The following UVRAG variants were observed in gnomAD, a reference collection of about 807,000 sequenced individuals.
The protein encoded by UVRAG is UV radiation resistance-associated gene protein.
UVRAG carries 19 observed loss-of-function variants against 78.0 expected under a neutral mutation model. The observed-to-expected ratio is 0.24, with a 90% CI of 0.17 to 0.36. UVRAG has a LOEUF of 0.36. UVRAG is among the 10% of genes least tolerant of loss of function. The pLI is 1.00. For missense variants in UVRAG, 740 were observed against 853.8 expected (o/e 0.87, Z 1.66); for synonymous variants, 323 against 324.6 (o/e 1.00, Z 0.05).
intron 1 of UVRAG, among the ~76,000 whole-genome samples, chr11:75,851,056 T>TC (rs1946144249): frequency 6.6e-6 from 1 of 152,214 alleles, no homozygotes; most frequent in African/African-American, 2.4e-5. Flanking sequence ...GTTTCTATTT[T>TC]TAAGTCTCTG....
chr11:76,032,089 G>A lies in UVRAG; in HGVS notation c.1226+15109G>A, dbSNP rs1331921430. Among the ~76,000 whole-genome samples the A allele has an allele frequency of 2.6e-5, 4 of 152,026 alleles. No homozygotes were observed. In the South Asian group the frequency reaches 8.3e-4, roughly 32 times the overall value. On this transcript the variant is annotated intron_variant, in intron 12 of 14. Transcript: ENST00000356136. ...GAGAGTTTGCAGTAGGTAATTTGGGGGAATATTTTGGTTTCCTGACAAAAA... is the reference window on the plus strand; with the variant it reads ...GAGAGTTTGCAGTAGGTAATTTGGGAGAATATTTTGGTTTCCTGACAAAAA...
intron 6 of UVRAG, among the ~76,000 whole-genome samples, chr11:75,937,400 G>A (rs1948394081): frequency 6.6e-6 from 1 of 152,138 alleles, no homozygotes; most frequent in Admixed American, 6.5e-5. Flanking sequence ...TTTTCCTTAT[G>A]TCTGAAGTAT....
chr11:75,827,913 G>A (rs1412443517), intron 1 of UVRAG, among the ~76,000 whole-genome samples: 1 of 148,612 alleles, frequency 6.7e-6, no homozygotes, highest in Non-Finnish European at 1.5e-5. Flanking sequence ...TTTTAACGTT[G>A]TCTCCTTTTA....
chr11:76,028,921 A>G (rs761027511), intron 12 of UVRAG, among the ~76,000 whole-genome samples: 3 of 152,182 alleles, frequency 2.0e-5, no homozygotes, highest in South Asian at 2.1e-4. Flanking sequence ...AGACAAAAAT[A>G]GCCTTCTGTT....
intron 6 of UVRAG, among the ~76,000 whole-genome samples, chr11:75,952,669 AT>A (rs1370684974): frequency 1.3e-5 from 2 of 152,002 alleles, no homozygotes; most frequent in African/African-American, 4.8e-5. Flanking sequence ...CTTTTCATAT[AT>A]TACTAGAGTT....
chr11:75,987,274 C>T (rs1949518086), intron 8 of UVRAG, among the ~76,000 whole-genome samples: 1 of 152,178 alleles, frequency 6.6e-6, no homozygotes, highest in Admixed American at 6.5e-5. Context: ...TATTATCTCT[C>T]CTTTTAATTA....
chr11:75,963,872 G>A (rs959438228), intron 7 of UVRAG, among the ~76,000 whole-genome samples: 7 of 152,022 alleles, frequency 4.6e-5, no homozygotes, highest in African/African-American at 1.7e-4. Context: ...TGTTGTCTGG[G>A]CTGCTCTTGA....
rs552133176 is a variant in UVRAG, at chr11:75,937,974, A to G, written c.594-23470A>G. On this transcript the variant is annotated intron_variant, in intron 6 of 14. Coordinates refer to ENST00000356136, the MANE Select transcript of UVRAG (RefSeq NM_003369.4). Reference sequence around the variant, plus strand: ...TTTCATTTTAAATAGTTTCTACCCAAATGTTCACTGACATTTAGTATATCA... The same window carrying G: ...TTTCATTTTAAATAGTTTCTACCCAGATGTTCACTGACATTTAGTATATCA... 2.6e-5 allele frequency among the ~76,000 whole-genome samples: 4 copies of G among 152,026 alleles called. No individual in the cohort carries two copies. The South Asian group carries it at 6.2e-4, about 24-fold the overall frequency.
At chr11:75,853,720 C>T (rs1325329834) in intron 2 of UVRAG, among the ~76,000 whole-genome samples, 1 of 151,952 alleles carries the variant, frequency 6.6e-6, no homozygotes, top group African/African-American at 2.4e-5. Flanking sequence ...TTCATTCTCA[C>T]TTTTCAGTCT....
In UVRAG at chr11:75,961,564, A is replaced by C. The variant is rs765016813; in HGVS notation, c.699+15A>C. On this transcript the variant is annotated intron_variant, in intron 7 of 14. Transcript: ENST00000356136. ...GCAATGAACTGGTAGGTTTTTATGTATTTACCTGTTTACACTTCTTGTTTT... is the reference window on the plus strand; with the variant it reads ...GCAATGAACTGGTAGGTTTTTATGTCTTTACCTGTTTACACTTCTTGTTTT... 1 of 1,563,538 alleles carries C rather than the reference A, an allele frequency of 6.4e-7. No individual in the cohort carries two copies. The highest frequency in any genetic ancestry group is 8.6e-7 in the Non-Finnish European group (1 of 1,157,852).
rs552516770 is a variant in UVRAG at position 76,110,410 on chromosome 11, A to G, written c.1306-5514A>G. Among the ~76,000 whole-genome samples the G allele has an allele frequency of 2.0e-5, 3 of 152,298 alleles. No individual in the cohort carries two copies. The South Asian group carries it at 6.2e-4, about 32-fold the overall frequency. On this transcript the variant is annotated intron_variant, in intron 13 of 14. Transcript: ENST00000356136. ...AGAGAAGTGACTTATTCAAAGTCAA[A>G]CAACTAGTAAGTGACAGTACTGGTA...
intron 8 of UVRAG, among the ~76,000 whole-genome samples, chr11:75,990,313 A>G (rs115016883): frequency 0.011 from 1,706 of 152,306 alleles, 37 homozygotes; most frequent in African/African-American, 0.039. Context: ...CAATGGGGTT[A>G]ATAGTAATAC....
At chr11:76,084,932 C>A (rs944700065) in intron 13 of UVRAG, among the ~76,000 whole-genome samples, 1 of 151,560 alleles carries the variant, frequency 6.6e-6, no homozygotes, top group Non-Finnish European at 1.5e-5. Flanking sequence ...GGCATGGTGG[C>A]GGGTGCCTGT....
At chr11:76,135,943 T>G (rs1485644543) in intron 14 of UVRAG, among the ~76,000 whole-genome samples, 1 of 152,254 alleles carries the variant, frequency 6.6e-6, no homozygotes, top group Admixed American at 6.5e-5. Context: ...AAGTTTTTCA[T>G]CACAATATAA....
chr11:75,900,961 G>T (rs1269975424), intron 5 of UVRAG, among the ~76,000 whole-genome samples: 1 of 152,140 alleles, frequency 6.6e-6, no homozygotes, highest in Non-Finnish European at 1.5e-5. Flanking sequence ...TTCAGCTCAG[G>T]TTAATTGTCT....
intron 6 of UVRAG, among the ~76,000 whole-genome samples, chr11:75,957,274 A>G (rs1394538919): frequency 1.3e-5 from 2 of 151,788 alleles, no homozygotes; most frequent in African/African-American, 2.4e-5. Flanking sequence ...TTTTTTTTCT[A>G]TGCTTATTCA....
At chr11:75,991,463 T>C (rs1949604830) in intron 8 of UVRAG, among the ~76,000 whole-genome samples, 2 of 152,176 alleles carry the variant, frequency 1.3e-5, no homozygotes, top group South Asian at 4.1e-4. Flanking sequence ...ACAGTGCTTA[T>C]TACTATAAAT....
chr11:75,924,609 T>TG (rs1026548058), intron 6 of UVRAG, among the ~76,000 whole-genome samples: 15 of 152,064 alleles, frequency 9.9e-5, no homozygotes, highest in African/African-American at 3.6e-4. Flanking sequence ...AGGATGGTCT[T>TG]GATCTCCTGA....
chr11:75,999,668 C>T (rs534307151), intron 8 of UVRAG, among the ~76,000 whole-genome samples: 5 of 152,184 alleles, frequency 3.3e-5, no homozygotes, highest in Admixed American at 2.0e-4. Flanking sequence ...TGTGAGCCAC[C>T]GTGCCCAGCC....
Sources: allele counts gnomAD v4.1 joint callset (sites outside exome capture counted in the v4.1 genomes callset), GRCh38; gene constraint gnomAD v4.1.1; transcripts MANE v1.5; gene names NCBI Gene and HGNC (gene_info 2026-07-23, HGNC 2026-07-21).